The following ATXN8OS variants were observed in gnomAD, a reference collection of about 807,000 sequenced individuals.
ATXN8OS encodes the protein ATXN8 opposite strand lncRNA.
chr13:70,148,541 A>G (rs1888820615), intron 4 of ATXN8OS, among the ~76,000 whole-genome samples: 1 of 152,146 alleles, frequency 6.6e-6, no homozygotes, highest in South Asian at 2.1e-4. Flanking sequence ...CTAGGCTGAG[A>G]GATGGGTCCA....
exon 3 of ATXN8OS, chr13:70,129,801 T>C (rs1358869355): frequency 5.0e-6 from 2 of 398,318 alleles, no homozygotes; most frequent in African/African-American, 2.1e-5. Flanking sequence ...AACCACCCCA[T>C]CAATGACAAA....
At chr13:70,109,702 T>G (rs2137466010) in intron 1 of ATXN8OS, among the ~76,000 whole-genome samples, 1 of 152,322 alleles carries the variant, frequency 6.6e-6, no homozygotes, top group Admixed American at 6.5e-5. Context: ...TGTTTGTTTT[T>G]TGTTTATTAA....
chr13:70,137,927 G>A (rs1284910533), intron 3 of ATXN8OS, among the ~76,000 whole-genome samples: 1 of 152,172 alleles, frequency 6.6e-6, no homozygotes, highest in African/African-American at 2.4e-5. Flanking sequence ...AAGACAGAAA[G>A]TGAAGGGGAA....
chr13:70,145,270 C>G (rs1233346171), intron 3 of ATXN8OS, among the ~76,000 whole-genome samples: 1 of 151,996 alleles, frequency 6.6e-6, no homozygotes, highest in African/African-American at 2.4e-5. Flanking sequence ...AGTATAGTTT[C>G]AAGTCAGGTA....
intron 2 of ATXN8OS, among the ~76,000 whole-genome samples, chr13:70,124,690 G>T (rs1888403696): frequency 6.6e-6 from 1 of 151,504 alleles, no homozygotes; most frequent in South Asian, 2.1e-4. Context: ...TGTTGTTATT[G>T]TTTTTTTTCC....
intron 4 of ATXN8OS, among the ~76,000 whole-genome samples, chr13:70,154,455 G>A (rs1189903986): frequency 6.6e-6 from 1 of 152,116 alleles, no homozygotes; most frequent in Non-Finnish European, 1.5e-5. Context: ...GGTTGGAGGA[G>A]GTGGGATAAG....
intron 2 of ATXN8OS, among the ~76,000 whole-genome samples, chr13:70,117,085 T>C (rs2137472264): frequency 6.6e-6 from 1 of 152,216 alleles, no homozygotes; most frequent in East Asian, 1.9e-4. Context: ...GGTATAAACT[T>C]GTACTTATGC....
At chr13:70,116,518 C>A (rs1048630071) in intron 2 of ATXN8OS, among the ~76,000 whole-genome samples, 1 of 152,064 alleles carries the variant, frequency 6.6e-6, no homozygotes, top group African/African-American at 2.4e-5. Context: ...GTACTAGAAG[C>A]GAGTGAGCAG....
intron 3 of ATXN8OS, chr13:70,130,820 C>G: frequency 5.0e-6 from 2 of 398,420 alleles, no homozygotes; most frequent in Non-Finnish European, 8.8e-6. Context: ...CCCCAATGAC[C>G]AGGGAGAATG....
chr13:70,164,814 A>G (rs1889059916), intron 4 of ATXN8OS, among the ~76,000 whole-genome samples: 1 of 151,998 alleles, frequency 6.6e-6, no homozygotes, highest in Admixed American at 6.6e-5. Flanking sequence ...TTTCTAGAAA[A>G]TGATTGCTCC....
Position 70,125,985 on chromosome 13 carries a change from G to A in ATXN8OS, n.399-3799G>A, listed in dbSNP as rs190647673. On this transcript the variant is annotated intron_variant and non_coding_transcript_variant, in intron 2 of 4. Coordinates refer to ENST00000678624, the Ensembl canonical transcript of ATXN8OS. ...AAGACAAGCGGTGTGATGCAAAGGA[G>A]AAGGGGCCAAATCATCTGGTGCTAC... 3.3e-4 allele frequency among the ~76,000 whole-genome samples: 50 copies of A among 152,260 alleles called. No homozygotes were observed. In the East Asian group the frequency reaches 7.7e-3, roughly 24 times the overall value.
intron 4 of ATXN8OS, among the ~76,000 whole-genome samples, chr13:70,165,704 G>A (rs1283035963): frequency 3.3e-5 from 5 of 151,952 alleles, no homozygotes; most frequent in Admixed American, 3.3e-4. Flanking sequence ...AGAGCTCAGG[G>A]AAGCAAATTC....
chr13:70,171,179 G>A (rs1251734477), exon 5 of ATXN8OS, among the ~76,000 whole-genome samples: 1 of 152,176 alleles, frequency 6.6e-6, no homozygotes, highest in East Asian at 1.9e-4. Flanking sequence ...TACAGAAACT[G>A]CTGATTAGGT....
In ATXN8OS at chr13:70,120,910, G is replaced by A. The variant is rs566520159; in HGVS notation, n.398+5612G>A. 6.2e-3 allele frequency among the ~76,000 whole-genome samples: 934 copies of A among 149,472 alleles called. 9 individuals are homozygous for A. The highest frequency in any genetic ancestry group is 0.012 in the South Asian group (56 of 4,618). ...CGCAGGAAGGGGAACATCACAAACCGGGGCCTGTTGTGGGGTGGGGGGAGG... is the reference window on the plus strand; with the variant it reads ...CGCAGGAAGGGGAACATCACAAACCAGGGCCTGTTGTGGGGTGGGGGGAGG... On this transcript the variant is annotated intron_variant and non_coding_transcript_variant, in intron 2 of 4. Coordinates refer to ENST00000678624, the Ensembl canonical transcript of ATXN8OS.
chr13:70,136,018 G>T (rs1334900773), intron 3 of ATXN8OS, among the ~76,000 whole-genome samples: 1 of 152,206 alleles, frequency 6.6e-6, no homozygotes, highest in South Asian at 2.1e-4. Flanking sequence ...TGAACAGTGT[G>T]AGCAGTGGGT....
exon 5 of ATXN8OS, among the ~76,000 whole-genome samples, chr13:70,171,342 G>A (rs1185638051): frequency 6.6e-6 from 1 of 152,096 alleles, no homozygotes; most frequent in East Asian, 1.9e-4. Context: ...CTTTAAGGAA[G>A]AAACTTTAGG....
intron 4 of ATXN8OS, among the ~76,000 whole-genome samples, chr13:70,160,664 T>TATATATA (rs1227056640): frequency 1.5e-5 from 1 of 65,552 alleles, no homozygotes; most frequent in African/African-American, 3.7e-5. Flanking sequence ...AAACAAAATA[T>TATATATA]TCTTGGTAGA....
In ATXN8OS at chr13:70,150,884, A is replaced by G. The variant is rs193034300; in HGVS notation, n.573+3456A>G. 6.6e-5 allele frequency among the ~76,000 whole-genome samples: 10 copies of G among 152,278 alleles called. No individual in the cohort carries two copies. In the East Asian group the frequency reaches 1.7e-3, roughly 26 times the overall value. ...AACTATGTGCATTTCACATTAAAAG[A>G]AAGAAAAATAGAGTTGGCATTTTAC... On this transcript the variant is annotated intron_variant and non_coding_transcript_variant, in intron 4 of 4. Transcript: ENST00000678624.
intron 3 of ATXN8OS, among the ~76,000 whole-genome samples, chr13:70,138,802 G>A (rs964758770): frequency 3.6e-4 from 54 of 152,060 alleles, no homozygotes; most frequent in Admixed American, 8.5e-4. Flanking sequence ...TTAAAATAAT[G>A]TAAAAATTCA....
Sources: allele counts gnomAD v4.1 joint callset (sites outside exome capture counted in the v4.1 genomes callset), GRCh38; gene constraint gnomAD v4.1.1; transcripts MANE v1.5; gene names NCBI Gene and HGNC (gene_info 2026-07-23, HGNC 2026-07-21).